The following NRXN3 variants were observed in gnomAD, a reference collection of about 807,000 sequenced individuals.
The protein encoded by NRXN3 is neurexin 3.
NRXN3 carries 32 observed loss-of-function variants against 137.6 expected under a neutral mutation model. The ratio of observed to expected loss-of-function variants is 0.23; its 90% CI spans 0.18 to 0.31. The LOEUF is 0.31. Among genes scored for constraint, NRXN3 ranks in the 10% least tolerant of loss-of-function variants. The probability of loss-of-function intolerance (pLI) is 1.00; values close to 1 mark genes in which losing one functional copy is unlikely to be tolerated. For synonymous variants in NRXN3, 798 were observed against 784.5 expected, an observed-to-expected ratio of 1.02 and a Z score of -0.29; for missense variants, 1,574 against 2,062.5, an observed-to-expected ratio of 0.76 and a Z score of 4.59.
intron 15 of NRXN3, among the ~76,000 whole-genome samples, chr14:79,465,975 T>C (rs2096416660): frequency 6.6e-6 from 1 of 152,258 alleles, no homozygotes; most frequent in Non-Finnish European, 1.5e-5. Flanking sequence ...AATGTACTTT[T>C]TATAATTTCT....
chr14:78,820,252 A>G (rs1314694515), intron 10 of NRXN3, among the ~76,000 whole-genome samples: 1 of 149,008 alleles, frequency 6.7e-6, no homozygotes, highest in Non-Finnish European at 1.5e-5. Flanking sequence ...ATATATATAT[A>G]TATAAATTGC....
chr14:78,447,072 C>T (rs139158295), intron 4 of NRXN3, among the ~76,000 whole-genome samples: 3 of 152,262 alleles, frequency 2.0e-5, no homozygotes, highest in East Asian at 1.9e-4. Flanking sequence ...CCATAGCCTG[C>T]GAGATGAGAC....
chr14:79,746,333 G>T (rs2098979612), intron 19 of NRXN3, among the ~76,000 whole-genome samples: 1 of 152,108 alleles, frequency 6.6e-6, no homozygotes, highest in Non-Finnish European at 1.5e-5. Flanking sequence ...AGCAAGTTTG[G>T]AAAGCATAGA....
chr14:79,257,694 G>T (rs1419148613), intron 15 of NRXN3, among the ~76,000 whole-genome samples: 3 of 150,818 alleles, frequency 2.0e-5, no homozygotes, highest in African/African-American at 7.4e-5. Context: ...TTGTGCATTT[G>T]AGAAGTAAGA....
chr14:78,715,214 CA>C, intron 8 of NRXN3, 75 bp downstream of exon 8: 1 of 1,529,760 alleles, frequency 6.5e-7, no homozygotes, highest in Non-Finnish European at 8.8e-7. Context: ...CTGGGCAGCC[CA>C]AGCCTTCGCA....
chr14:79,327,735 A>C (rs779048845), intron 15 of NRXN3, among the ~76,000 whole-genome samples: 1 of 152,116 alleles, frequency 6.6e-6, no homozygotes, highest in African/African-American at 2.4e-5. Context: ...TATTATATAA[A>C]TATATTTTGG....
chr14:78,470,832 G>C (rs2095250058), intron 4 of NRXN3, among the ~76,000 whole-genome samples: 1 of 152,122 alleles, frequency 6.6e-6, no homozygotes, highest in African/African-American at 2.4e-5. Flanking sequence ...CCTCACAACT[G>C]TCCTGGGGTA....
At chr14:79,472,707 T>G (rs2153625717) in intron 16 of NRXN3, among the ~76,000 whole-genome samples, 1 of 152,306 alleles carries the variant, frequency 6.6e-6, no homozygotes, top group Non-Finnish European at 1.5e-5. Context: ...CTGCTATCGC[T>G]TGCGAGTGAC....
At chr14:79,728,277 CCTT>C (rs1271247477) in intron 19 of NRXN3, among the ~76,000 whole-genome samples, 13 of 152,294 alleles carry the variant, frequency 8.5e-5, no homozygotes, top group African/African-American at 2.6e-4. Context: ...GCCCCCAACT[CCTT>C]CTTCCAGCCC....
At chr14:79,356,728 CT>C (rs535880732) in intron 15 of NRXN3, among the ~76,000 whole-genome samples, 1 of 151,870 alleles carries the variant, frequency 6.6e-6, no homozygotes, top group East Asian at 1.9e-4. Context: ...GTTCAATTTA[CT>C]TTTTTTTCTT....
At chr14:78,425,404 T>C (rs577787828) in intron 4 of NRXN3, among the ~76,000 whole-genome samples, 24 of 152,302 alleles carry the variant, frequency 1.6e-4, no homozygotes, top group Non-Finnish European at 2.4e-4. Context: ...TCCCAAATTT[T>C]AGCATGTACA....
At chr14:79,675,099 C>G (rs190536507) in intron 17 of NRXN3, among the ~76,000 whole-genome samples, 1 of 152,030 alleles carries the variant, frequency 6.6e-6, no homozygotes, top group Admixed American at 6.6e-5. Context: ...TTAAGTAACA[C>G]ACTCCAGTGT....
At chr14:79,256,886 CAT>C (rs1315695771) in intron 15 of NRXN3, among the ~76,000 whole-genome samples, 3 of 152,192 alleles carry the variant, frequency 2.0e-5, no homozygotes, top group African/African-American at 7.2e-5. Context: ...TCTGTGTGCA[CAT>C]GTGTGTGTGC....
intron 16 of NRXN3, among the ~76,000 whole-genome samples, chr14:79,630,288 G>A (rs2098331481): frequency 6.6e-6 from 1 of 152,154 alleles, no homozygotes; most frequent in Admixed American, 6.5e-5. Flanking sequence ...CTCAGCATAA[G>A]GACAACTTTG....
chr14:78,880,799 G>C (rs1509150), intron 10 of NRXN3, among the ~76,000 whole-genome samples: 3,426 of 152,208 alleles, frequency 0.023, 128 homozygotes, highest in African/African-American at 0.078. Context: ...CAAGCAGAAA[G>C]CTATTAATCC....
At chr14:78,504,720 T>C (rs1338445830) in intron 4 of NRXN3, among the ~76,000 whole-genome samples, 2 of 152,198 alleles carry the variant, frequency 1.3e-5, no homozygotes, top group Non-Finnish European at 2.9e-5. Context: ...TTTGATATGA[T>C]GGCCAGTGAT....
At chr14:79,060,600 G>A (rs1476216986) in intron 15 of NRXN3, among the ~76,000 whole-genome samples, 1 of 152,074 alleles carries the variant, frequency 6.6e-6, no homozygotes, top group Non-Finnish European at 1.5e-5. Context: ...AAAGTAATAT[G>A]ATGAAAAGAA....
At chr14:79,796,123 G>A (rs1568281188) in intron 19 of NRXN3, among the ~76,000 whole-genome samples, 2 of 152,164 alleles carry the variant, frequency 1.3e-5, no homozygotes, top group Admixed American at 1.3e-4. Context: ...CAATAAGAAA[G>A]AAGAGCAGCC....
intron 16 of NRXN3, among the ~76,000 whole-genome samples, chr14:79,474,194 C>A (rs1452227553): frequency 6.6e-6 from 1 of 152,158 alleles, no homozygotes; most frequent in East Asian, 1.9e-4. Context: ...CTTGGAGCTT[C>A]AGCTTCCTCT....
Sources: gnomAD v4.1 joint callset for allele counts (sites outside exome capture counted in the v4.1 genomes callset) on GRCh38, gnomAD v4.1.1 for gene constraint, MANE v1.5 for transcripts, NCBI Gene and HGNC (gene_info 2026-07-23, HGNC 2026-07-21) for gene names.